CACNA2D1: variants seen among roughly 807,000 people sequenced by gnomAD.
CACNA2D1 encodes calcium voltage-gated channel auxiliary subunit alpha2delta 1.
Under a neutral mutation model 171.5 loss-of-function variants are expected in CACNA2D1, and 53 were observed. That is an observed-to-expected ratio of 0.31 (90% CI 0.25 to 0.39). CACNA2D1 has a LOEUF of 0.39. CACNA2D1 is among the 10% of genes least tolerant of loss of function. CACNA2D1 has a pLI of 1.00. For missense variants in CACNA2D1, 903 were observed against 1,299.8 expected, an observed-to-expected ratio of 0.69 and a Z score of 4.69; for synonymous variants, 442 against 443.1, an observed-to-expected ratio of 1.00 and a Z score of 0.03.
chr7:82,378,013 T>C (rs780865341), intron 1 of CACNA2D1, among the ~76,000 whole-genome samples: 7 of 152,198 alleles, frequency 4.6e-5, no homozygotes, highest in African/African-American at 7.2e-5. Flanking sequence ...CTTAAATTTG[T>C]ATTTTCTTTC....
At position 81,967,281 on chromosome 7, in the gene CACNA2D1, T is replaced by C. The variant is rs1317127754; in HGVS notation, c.2464-74A>G. ...TAATTATATTATTACCATGTTATAA[T>C]TAGAAATTCTGAAATAATTTATCCA... On this transcript the variant is annotated intron_variant, in intron 30 of 38. Transcript: ENST00000356860. 5.1e-6 allele frequency: 6 copies of C among 1,170,572 alleles called. No homozygotes were observed. The Middle Eastern group carries it at 8.1e-4, about 158-fold the overall frequency. 72.5% of individuals were successfully genotyped at this position (1,170,572 alleles called of 1,614,324 possible). A position where few individuals can be genotyped will look rare whatever the true frequency, so the allele number is the denominator to read the frequency against.
At chr7:82,073,674 C>T (rs1164979085) in intron 7 of CACNA2D1, among the ~76,000 whole-genome samples, 2 of 152,120 alleles carry the variant, frequency 1.3e-5, no homozygotes, top group Admixed American at 6.5e-5. Context: ...AACCTTGGCT[C>T]ATTTGAACCT....
chr7:82,221,989 T>A (rs1004591256), intron 3 of CACNA2D1, among the ~76,000 whole-genome samples: 4 of 151,912 alleles, frequency 2.6e-5, no homozygotes, highest in East Asian at 3.9e-4. Context: ...ATCTATATAA[T>A]ACCAAAGGTT....
intron 9 of CACNA2D1, among the ~76,000 whole-genome samples, chr7:82,060,750 C>T (rs1456583935): frequency 6.6e-6 from 1 of 151,646 alleles, no homozygotes; most frequent in Non-Finnish European, 1.5e-5. Context: ...GTGTACATTT[C>T]TAACTGAAAT....
intron 38 of CACNA2D1, among the ~76,000 whole-genome samples, chr7:81,953,063 A>C (rs1792795302): frequency 6.6e-6 from 1 of 151,938 alleles, no homozygotes; most frequent in African/African-American, 2.4e-5. Context: ...CTAATTTTTT[A>C]TATTTTTTGC....
At chr7:82,166,922 C>T (rs766512250) in intron 4 of CACNA2D1, among the ~76,000 whole-genome samples, 2 of 151,950 alleles carry the variant, frequency 1.3e-5, no homozygotes, top group African/African-American at 4.8e-5. Context: ...CATATTAGTG[C>T]TTTGCCTTTT....
chr7:82,131,312 T>C (rs961285673), intron 5 of CACNA2D1, among the ~76,000 whole-genome samples: 7 of 152,142 alleles, frequency 4.6e-5, no homozygotes, highest in Non-Finnish European at 7.4e-5. Context: ...AGAAGGCAAA[T>C]GCTACATATG....
chr7:82,429,495 T>C (rs545863040), intron 1 of CACNA2D1, among the ~76,000 whole-genome samples: 1 of 152,224 alleles, frequency 6.6e-6, no homozygotes, highest in African/African-American at 2.4e-5. Context: ...TTACTTCACA[T>C]GTGGAAAAAC....
chr7:82,341,544 T>C (rs1328710165), intron 2 of CACNA2D1, among the ~76,000 whole-genome samples: 1 of 152,204 alleles, frequency 6.6e-6, no homozygotes, highest in African/African-American at 2.4e-5. Context: ...TCCCTTTGAT[T>C]AAAATAATAA....
At chr7:82,108,146 G>GA (rs1171003960) in intron 6 of CACNA2D1, among the ~76,000 whole-genome samples, 2 of 152,132 alleles carry the variant, frequency 1.3e-5, no homozygotes, top group African/African-American at 4.8e-5. Flanking sequence ...ACAGCTATCT[G>GA]AAAAAGTGAT....
chr7:82,267,829 C>T (rs1268593809), intron 3 of CACNA2D1, among the ~76,000 whole-genome samples: 2 of 152,074 alleles, frequency 1.3e-5, no homozygotes, highest in East Asian at 3.9e-4. Context: ...CCCGTCTCTA[C>T]TAAAAATACA....
In CACNA2D1 at chr7:82,012,320, A is replaced by G. The variant is rs943077840; in HGVS notation, c.1273-77T>C. On this transcript the variant is annotated intron_variant, in intron 14 of 38. Coordinates refer to ENST00000356860, the MANE Select transcript of CACNA2D1 (RefSeq NM_000722.4). ...TTGAAATAAAAATTACAGAGAAAAAATATTCTAGAGTTAAAAATGAATATA... is the reference window on the plus strand; with the variant it reads ...TTGAAATAAAAATTACAGAGAAAAAGTATTCTAGAGTTAAAAATGAATATA... The G allele has an allele frequency of 6.3e-6, 5 of 789,336 alleles. No homozygotes were observed. In the African/African-American group the frequency reaches 8.7e-5, roughly 14 times the overall value. 48.9% of individuals were successfully genotyped at this position (789,336 alleles called of 1,614,324 possible).
At chr7:82,059,412 T>C (rs7787064) in intron 10 of CACNA2D1, among the ~76,000 whole-genome samples, 2,735 of 152,214 alleles carry the variant, frequency 0.018, 89 homozygotes, top group African/African-American at 0.061. Flanking sequence ...GGTTTTTATG[T>C]TAACAAGAAA....
intron 12 of CACNA2D1, chr7:82,028,208 C>G (rs1042038123): frequency 2.0e-5 from 3 of 151,702 alleles, no homozygotes; most frequent in Non-Finnish European, 4.4e-5. Context: ...ATCTCAGGGT[C>G]CTTAAGAATT....
chr7:82,280,855 T>C (rs2190523), intron 3 of CACNA2D1, among the ~76,000 whole-genome samples: 2,720 of 152,206 alleles, frequency 0.018, 33 homozygotes, highest in Non-Finnish European at 0.027. Flanking sequence ...CTGGAAATTA[T>C]TTATTTGTCT....
chr7:82,241,059 T>C (rs1000819370), intron 3 of CACNA2D1, among the ~76,000 whole-genome samples: 1 of 152,126 alleles, frequency 6.6e-6, no homozygotes, highest in African/African-American at 2.4e-5. Context: ...ATGGAGAGTA[T>C]ACAAACCTAG....
chr7:82,220,823 T>G (rs7793204), intron 3 of CACNA2D1, among the ~76,000 whole-genome samples: 132,359 of 148,468 alleles, frequency 0.89, 59,137 homozygotes, highest in East Asian at 1. Context: ...CTGTCACCGA[T>G]GCTGCAGTGT....
At chr7:82,082,826 T>C (rs76244066) in intron 7 of CACNA2D1, among the ~76,000 whole-genome samples, 2,263 of 152,068 alleles carry the variant, frequency 0.015, 61 homozygotes, top group African/African-American at 0.05. Flanking sequence ...TTTGAAAATA[T>C]ATGATTAGCA....
intron 5 of CACNA2D1, among the ~76,000 whole-genome samples, chr7:82,124,898 A>G (rs1052646675): frequency 7.2e-5 from 11 of 152,348 alleles, no homozygotes; most frequent in African/African-American, 2.6e-4. Flanking sequence ...CTTTTTAAAA[A>G]AAAAATGCTA....
Sources: gnomAD v4.1 joint callset for allele counts (sites outside exome capture counted in the v4.1 genomes callset) on GRCh38, gnomAD v4.1.1 for gene constraint, MANE v1.5 for transcripts, NCBI Gene and HGNC (gene_info 2026-07-23, HGNC 2026-07-21) for gene names.